Variants in SMCR8 observed in about 807,000 individuals in gnomAD.
The protein encoded by SMCR8 is SMCR8-C9orf72 complex subunit.
SMCR8 carries 30 observed loss-of-function variants against 56.6 expected under a neutral mutation model. That is an observed-to-expected ratio of 0.53 (90% CI 0.40 to 0.72). SMCR8 has a LOEUF of 0.72. SMCR8 is among the 30% of genes least tolerant of loss of function. SMCR8 has a pLI of 0.00. For missense variants in SMCR8, 1,198 were observed against 1,157.0 expected, an observed-to-expected ratio of 1.04 and a Z score of -0.51; for synonymous variants, 538 against 456.0, an observed-to-expected ratio of 1.18 and a Z score of -2.29.
Position 18,324,346 on chromosome 17 carries a change from C to T in SMCR8, c.*1276C>T, listed in dbSNP as rs1474792722. The T allele has an allele frequency of 6.6e-6, 1 of 152,258 alleles. No homozygotes were observed. Among genetic ancestry groups the T allele is most frequent in the African/African-American group, 2.4e-5 (1 of 41,446 alleles). The allele number at this position is 152,258 out of a possible 1,614,324, so 9.4% of individuals were successfully genotyped here. On this transcript the variant is annotated 3_prime_UTR_variant, in exon 2 of 2. Transcript: ENST00000406438. Reference sequence around the variant, plus strand: ...CCCCTGGTTCCGCCAGCACCTATCCCACTGATAGTGATCCCCTGGCCTCCC... The same window carrying T: ...CCCCTGGTTCCGCCAGCACCTATCCTACTGATAGTGATCCCCTGGCCTCCC...
Position 18,322,606 on chromosome 17 carries a change from G to T in SMCR8, c.2361-11G>T. 6.2e-7 allele frequency: 1 copy of T among 1,610,264 alleles called. No homozygotes were observed. The highest frequency in any genetic ancestry group is 1.3e-5 in the African/African-American group (1 of 74,988). The stretch of plus-strand genomic sequence containing the variant: ...TTGCCCTTCCTCCTGACCTTGGCCT[G>T]TCTGTTTCAGAGTGGCCTCCCCTGC... On this transcript the variant is annotated splice_polypyrimidine_tract_variant and intron_variant, in intron 1 of 1. Coordinates refer to ENST00000406438, the MANE Select transcript of SMCR8 (RefSeq NM_144775.3).
rs1982362385 is a variant in SMCR8 at position 18,317,601 on chromosome 17, ACACT to A, written c.1814_1817del (p.His605LeufsTer7). The A allele has an allele frequency of 1.9e-6, 3 of 1,614,054 alleles. No individual in the cohort carries two copies. Among genetic ancestry groups the A allele is most frequent in the Non-Finnish European group, 2.5e-6 (3 of 1,180,046 alleles). On this transcript the variant is annotated frameshift_variant, in exon 1 of 2. Coordinates refer to ENST00000406438, the MANE Select transcript of SMCR8 (RefSeq NM_144775.3). LOFTEE classifies it high-confidence loss of function. ...TGCTGCCCTCCACTCCAGCCCACAC[ACACT>A]CTGACGAGGATGGGGTGGTGAGCAG...
intron 1 of SMCR8, among the ~76,000 whole-genome samples, chr17:18,320,313 C>T (rs891001443): frequency 6.6e-6 from 1 of 152,224 alleles, no homozygotes; most frequent in African/African-American, 2.4e-5. Flanking sequence ...TTGTCCCTTC[C>T]CGTGTCATCT....
At position 18,327,512 on chromosome 17, in the gene SMCR8, G is replaced by A. The variant is rs557198104; in HGVS notation, c.*4442G>A. ...CTCCACCCACAATAAAGCAAACGCC[G>A]ACAGGCTAGACCCCAGATTGCAGGG... On this transcript the variant is annotated 3_prime_UTR_variant, in exon 2 of 2. Transcript: ENST00000406438. The A allele has an allele frequency of 3.2e-4, 48 of 152,324 alleles. No homozygotes were observed. The highest frequency in any genetic ancestry group is 1.1e-3 in the African/African-American group (47 of 41,570). 9.4% of individuals were successfully genotyped at this position (152,324 alleles called of 1,614,324 possible).
At chr17:18,319,363 C>T (rs866068620) in intron 1 of SMCR8, among the ~76,000 whole-genome samples, 15 of 152,228 alleles carry the variant, frequency 9.9e-5, no homozygotes, top group South Asian at 4.2e-4. Context: ...AGGGTGGAAC[C>T]GGCACCGACA....
At position 18,316,345 on chromosome 17, in the gene SMCR8, G is replaced by T; in HGVS notation, c.556G>T (p.Gly186Cys). 6.2e-7 allele frequency: 1 copy of T among 1,614,058 alleles called. No individual in the cohort carries two copies. The highest frequency in any genetic ancestry group is 8.5e-7 in the Non-Finnish European group (1 of 1,180,028). Residue 186 changes from glycine to cysteine, a missense_variant, in exon 1 of 2, where the codon GGC becomes TGC. Physicochemically the swap from Gly to Cys is radical, Grantham distance 159 (BLOSUM62 -3). Transcript: ENST00000406438. Reference protein sequence around the residue: ...FSRASECLKTGNRKAFAGELE... With the variant: ...FSRASECLKTCNRKAFAGELE... ...CAGAGCTTCTGAGTGCTTGAAGACT[G>T]GCAACAGGAAGGCATTTGCTGGGGA...
rs1043876804 is a variant in SMCR8, at chr17:18,324,935, C to G, written c.*1865C>G. 1 of 152,226 alleles carries G rather than the reference C, an allele frequency of 6.6e-6. No individual in the cohort carries two copies. Among genetic ancestry groups the G allele is most frequent in the Non-Finnish European group, 1.5e-5 (1 of 68,042 alleles). 9.4% of individuals were successfully genotyped at this position (152,226 alleles called of 1,614,324 possible). A position where few individuals can be genotyped will look rare whatever the true frequency, so the allele number is the denominator to read the frequency against. On this transcript the variant is annotated 3_prime_UTR_variant, in exon 2 of 2. Coordinates refer to ENST00000406438, the MANE Select transcript of SMCR8 (RefSeq NM_144775.3). ...ACCTTGGCAGCCTTTAAATGTGAAA[C>G]GTCTGTTACTTGCGCTGGAGGCAGA...
At chr17:18,318,672 G>A (rs1458357128) in intron 1 of SMCR8, among the ~76,000 whole-genome samples, 3 of 152,140 alleles carry the variant, frequency 2.0e-5, no homozygotes, top group African/African-American at 7.2e-5. Context: ...CCAAAGTGCT[G>A]GGATTACAGG....
chr17:18,316,410 A>G lies in SMCR8; in HGVS notation c.621A>G (p.Thr207=), dbSNP rs551252025. Reference sequence around the variant, plus strand: ...TGAAAGACTTGGATTACACCAGGACAGTGCTACACACAGAAACGGAGATCC... The same window carrying G: ...TGAAAGACTTGGATTACACCAGGACGGTGCTACACACAGAAACGGAGATCC... The part of the protein sequence containing the change: ...KKLKDLDYTR[T]VLHTETEIQK... Residue 207 remains threonine, a synonymous_variant, in exon 1 of 2, where the codon ACA becomes ACG. Transcript: ENST00000406438. 6.2e-7 allele frequency: 1 copy of G among 1,614,220 alleles called. No homozygotes were observed. Among genetic ancestry groups the G allele is most frequent in the South Asian group, 1.1e-5 (1 of 91,090 alleles).
In SMCR8 at chr17:18,325,864, A is replaced by G. The variant is rs1465547500; in HGVS notation, c.*2794A>G. 1 of 152,274 alleles carries G rather than the reference A, an allele frequency of 6.6e-6. No homozygotes were observed. The highest frequency in any genetic ancestry group is 6.5e-5 in the Admixed American group (1 of 15,288). The allele number at this position is 152,274 out of a possible 1,614,324, so 9.4% of individuals were successfully genotyped here. On this transcript the variant is annotated 3_prime_UTR_variant, in exon 2 of 2. Coordinates refer to ENST00000406438, the MANE Select transcript of SMCR8 (RefSeq NM_144775.3). ...CACCTGAGGTCAGGAGTTGGAGACC[A>G]GCCTGGCCAACATGGTGAAACCCCA...
rs768967325 is a variant in SMCR8 at position 18,315,828 on chromosome 17, G to C, written c.39G>C (p.Glu13Asp). ...SAPDVVAFTK[E>D]EEYEEEPYNE... ...CTGACGTAGTGGCCTTCACCAAAGAGGAAGAGTATGAAGAAGAGCCTTACA... is the reference window on the plus strand; with the variant it reads ...CTGACGTAGTGGCCTTCACCAAAGACGAAGAGTATGAAGAAGAGCCTTACA... Residue 13 changes from glutamate to aspartate, a missense_variant, in exon 1 of 2, where the codon GAG becomes GAC. Coordinates refer to ENST00000406438, the MANE Select transcript of SMCR8 (RefSeq NM_144775.3). 4 of 1,605,886 alleles carry C rather than the reference G, an allele frequency of 2.5e-6. No individual in the cohort carries two copies. The highest frequency in any genetic ancestry group is 4.5e-5 in the East Asian group (2 of 44,634).
At chr17:18,320,435 T>C (rs544484425) in intron 1 of SMCR8, among the ~76,000 whole-genome samples, 8 of 152,172 alleles carry the variant, frequency 5.3e-5, no homozygotes, top group Non-Finnish European at 1.2e-4. Context: ...CATCAGGGGA[T>C]GCTGGGCCTG....
chr17:18,316,833 C>G lies in SMCR8; in HGVS notation c.1044C>G (p.Asp348Glu), dbSNP rs1167590714. The change falls in exon 1 of 2, where the codon GAC becomes GAG. Residue 348 changes from aspartate to glutamate, a missense_variant. Physicochemically the swap from Asp to Glu is conservative, Grantham distance 45 (BLOSUM62 2). Transcript: ENST00000406438. ...ACATTGAACACATGTTCAGAGGAGA[C>G]CTGTGTTACCTCCTGACCAGTCAGA... ...LSHIEHMFRG[D>E]LCYLLTSQID... is the part of the protein sequence containing the mutation. 1 of 1,614,186 alleles carries G rather than the reference C, an allele frequency of 6.2e-7. No individual in the cohort carries two copies. Among genetic ancestry groups the G allele is most frequent in the South Asian group, 1.1e-5 (1 of 91,080 alleles).
Position 18,317,882 on chromosome 17 carries a change from C to T in SMCR8, c.2093C>T (p.Ser698Phe). ...RIPSAYPAGLSSDRHKKRAGQ... is the reference protein window; with the variant it reads ...RIPSAYPAGLFSDRHKKRAGQ... ...CCCTCTGCTTATCCTGCTGGCCTGTCTTCCGATAGGCATAAAAAGAGGGCT... is the reference window on the plus strand; with the variant it reads ...CCCTCTGCTTATCCTGCTGGCCTGTTTTCCGATAGGCATAAAAAGAGGGCT... Residue 698 changes from serine to phenylalanine, a missense_variant, in exon 1 of 2, where the codon TCT (serine) becomes TTT (phenylalanine). By Grantham distance (155) the Ser-to-Phe change is radical. Coordinates refer to ENST00000406438, the MANE Select transcript of SMCR8 (RefSeq NM_144775.3). 6.2e-7 allele frequency: 1 copy of T among 1,614,180 alleles called. No homozygotes were observed.
At chr17:18,322,549 C>A in intron 1 of SMCR8, 68 bp from the exon 2 acceptor site, 1 of 1,482,612 alleles carries the variant, frequency 6.7e-7, no homozygotes. Flanking sequence ...GAGGCCTCAC[C>A]TCCCAAGCTT....
intron 1 of SMCR8, among the ~76,000 whole-genome samples, chr17:18,319,883 G>T (rs1021336261): frequency 6.6e-6 from 1 of 152,100 alleles, no homozygotes; most frequent in African/African-American, 2.4e-5. Context: ...ATCATGCCAG[G>T]CTAATTTTTG....
chr17:18,316,554 A>T lies in SMCR8; in HGVS notation c.765A>T (p.Ser255=). Residue 255 remains serine, a synonymous_variant, in exon 1 of 2, where the codon TCA becomes TCT. Transcript: ENST00000406438. ...EHQDLLKQIR[S]YPHRKLKGHD... Reference sequence around the variant, plus strand: ...AAGACCTGCTGAAGCAGATCCGCTCATACCCTCATCGGAAGTTGAAGGGGC... The same window carrying T: ...AAGACCTGCTGAAGCAGATCCGCTCTTACCCTCATCGGAAGTTGAAGGGGC... 4 of 1,614,204 alleles carry T rather than the reference A, an allele frequency of 2.5e-6. No homozygotes were observed. Among genetic ancestry groups the T allele is most frequent in the Non-Finnish European group, 3.4e-6 (4 of 1,180,046 alleles).
At position 18,323,848 on chromosome 17, in the gene SMCR8, G is replaced by C. The variant is rs576116991; in HGVS notation, c.*778G>C. ...ACAAGTGACCAAAGCCAATGGTGAG[G>C]ACCACCTTGGGGGCTGGAGAGCACA... On this transcript the variant is annotated 3_prime_UTR_variant, in exon 2 of 2. Transcript: ENST00000406438. 2.6e-5 allele frequency: 4 copies of C among 152,692 alleles called. No homozygotes were observed. In the East Asian group the frequency reaches 7.7e-4, roughly 29 times the overall value. The allele number at this position is 152,692 out of a possible 1,614,324, so 9.5% of individuals were successfully genotyped here. A position where few individuals can be genotyped will look rare whatever the true frequency, so the allele number is the denominator to read the frequency against.
Position 18,325,427 on chromosome 17 carries a change from T to A in SMCR8, c.*2357T>A, listed in dbSNP as rs1982622905. 1 of 152,222 alleles carries A rather than the reference T, an allele frequency of 6.6e-6. No homozygotes were observed. The highest frequency in any genetic ancestry group is 1.5e-5 in the Non-Finnish European group (1 of 68,060). The allele number at this position is 152,222 out of a possible 1,614,324, so 9.4% of individuals were successfully genotyped here. A position where few individuals can be genotyped will look rare whatever the true frequency, so the allele number is the denominator to read the frequency against. ...GAACAGACCGTCTCAGGGGCAGCCA[T>A]GTAAGTGGCAAGCAGGGCTGGTCTC... On this transcript the variant is annotated 3_prime_UTR_variant, in exon 2 of 2. Coordinates refer to ENST00000406438, the MANE Select transcript of SMCR8 (RefSeq NM_144775.3).
Sources: allele counts gnomAD v4.1 joint callset (sites outside exome capture counted in the v4.1 genomes callset), GRCh38; gene constraint gnomAD v4.1.1; transcripts MANE v1.5; gene names NCBI Gene and HGNC (gene_info 2026-07-23, HGNC 2026-07-21).